The following MED12L variants were observed in gnomAD, a reference collection of about 807,000 sequenced individuals.
MED12L encodes mediator of RNA polymerase II transcription subunit 12-like protein.
In MED12L, 60 loss-of-function variants were observed where a neutral mutation model predicts 281.3. That is an observed-to-expected ratio of 0.21 (90% CI 0.17 to 0.26). The LOEUF (loss-of-function observed/expected upper bound fraction) is 0.26. Among genes scored for constraint, MED12L ranks in the 10% least tolerant of loss-of-function variants. MED12L has a pLI of 1.00. For missense variants in MED12L, 2,146 were observed against 2,680.9 expected (o/e 0.80, Z 4.41); for synonymous variants, 974 against 987.2 (o/e 0.99, Z 0.25).
chr3:151,406,631 A>G (rs1716341651), intron 39 of MED12L, among the ~76,000 whole-genome samples: 1 of 152,210 alleles, frequency 6.6e-6, no homozygotes, highest in Non-Finnish European at 1.5e-5. Flanking sequence ...CTTTAGACAT[A>G]AAGGTGGAAA....
Position 151,104,586 on chromosome 3 carries a change from G to T in MED12L, c.100-11752G>T, listed in dbSNP as rs189346992. On this transcript the variant is annotated intron_variant, in intron 2 of 44. Coordinates refer to ENST00000687756, the MANE Select transcript of MED12L (RefSeq NM_001393769.1). ...CTAAATGGCCTGGATCCTGGTTTTA[G>T]GGGGCAGTCTTGCCATGGGGAATAG... Among the ~76,000 whole-genome samples, 7 of 152,246 alleles carry T rather than the reference G, an allele frequency of 4.6e-5. No homozygotes were observed. The East Asian group carries it at 1.2e-3, about 25-fold the overall frequency.
intron 39 of MED12L, among the ~76,000 whole-genome samples, chr3:151,404,763 T>C (rs576122864): frequency 1.3e-5 from 2 of 152,284 alleles, no homozygotes; most frequent in South Asian, 4.1e-4. Flanking sequence ...TACTGAAAAA[T>C]TACTAAATAA....
intron 27 of MED12L, among the ~76,000 whole-genome samples, chr3:151,374,816 T>C (rs923105654): frequency 3.3e-5 from 5 of 152,184 alleles, no homozygotes; most frequent in Admixed American, 2.0e-4. Context: ...AGTGAAACTA[T>C]ACAAAAAAGT....
Position 151,350,051 on chromosome 3 carries a change from T to G in MED12L, c.2251-8T>G. 1 of 1,606,596 alleles carries G rather than the reference T, an allele frequency of 6.2e-7. No homozygotes were observed. Among genetic ancestry groups the G allele is most frequent in the Non-Finnish European group, 8.5e-7 (1 of 1,175,234 alleles). ...CAAGAGTTTCAGAATGCATTTTCTG[T>G]TTTTCAGGATGAATCTTCAAGTCAT... is the stretch of plus-strand genomic sequence containing the variant. On this transcript the variant is annotated splice_region_variant and splice_polypyrimidine_tract_variant and intron_variant, in intron 16 of 44. Coordinates refer to ENST00000687756, the MANE Select transcript of MED12L (RefSeq NM_001393769.1).
intron 16 of MED12L, chr3:151,300,173 A>G: frequency 1.0e-6 from 1 of 1,002,452 alleles, no homozygotes; most frequent in Non-Finnish European, 1.6e-6. Flanking sequence ...GCGTGGGTTC[A>G]GCATAGGTTA....
intron 16 of MED12L, chr3:151,295,176 C>G: frequency 6.2e-7 from 1 of 1,611,472 alleles, no homozygotes. Context: ...CTCCTGTTGC[C>G]TGAATTGTGA....
At chr3:151,105,803 A>C (rs558244864) in intron 2 of MED12L, among the ~76,000 whole-genome samples, 1 of 152,170 alleles carries the variant, frequency 6.6e-6, no homozygotes, top group Non-Finnish European at 1.5e-5. Context: ...CTGAGTGCCT[A>C]CTAGAAACAT....
At chr3:151,098,888 A>G (rs1268278890) in intron 2 of MED12L, among the ~76,000 whole-genome samples, 1 of 152,184 alleles carries the variant, frequency 6.6e-6, no homozygotes, top group Non-Finnish European at 1.5e-5. Context: ...AAAGAGGTTT[A>G]ATGCACTCGC....
chr3:151,215,602 C>G (rs1728055137), intron 16 of MED12L, among the ~76,000 whole-genome samples: 1 of 152,188 alleles, frequency 6.6e-6, no homozygotes, highest in African/African-American at 2.4e-5. Context: ...ATATTCTTCA[C>G]TGATGTCGGA....
At chr3:151,308,648 T>C (rs1747030034) in intron 16 of MED12L, among the ~76,000 whole-genome samples, 1 of 152,198 alleles carries the variant, frequency 6.6e-6, no homozygotes, top group South Asian at 2.1e-4. Flanking sequence ...CTGTTCCTTG[T>C]TTTGGAATAG....
chr3:151,137,678 T>C (rs943990826), intron 5 of MED12L, among the ~76,000 whole-genome samples: 16 of 152,248 alleles, frequency 1.1e-4, no homozygotes, highest in Non-Finnish European at 2.2e-4. Flanking sequence ...ATTTTATGTT[T>C]ATTTCATTTC....
chr3:151,384,149 A>C lies in MED12L; in HGVS notation c.4857A>C (p.Leu1619=), dbSNP rs757769299. 3 of 1,613,934 alleles carry C rather than the reference A, an allele frequency of 1.9e-6. No homozygotes were observed. The highest frequency in any genetic ancestry group is 2.2e-5 in the South Asian group (2 of 91,076). ...VLINGTLASD[L]SNASPGGSEE... ...TCAATGGAACGTTAGCCTCTGACCT[A>C]TCAAATGCATCCCCTGGGGGATCTG... is the stretch of plus-strand genomic sequence containing the variant. The change falls in exon 35 of 45, where the codon CTA becomes CTC. Residue 1619 remains leucine (L), a synonymous_variant. Transcript: ENST00000687756.
chr3:151,129,205 T>A (rs1714979140), intron 5 of MED12L, among the ~76,000 whole-genome samples: 1 of 151,918 alleles, frequency 6.6e-6, no homozygotes, highest in African/African-American at 2.4e-5. Context: ...GATAAATGAG[T>A]TGGGGTATAA....
chr3:151,433,985 A>T lies in MED12L; in HGVS notation c.*1181A>T, dbSNP rs1719811194. On this transcript the variant is annotated 3_prime_UTR_variant, in exon 45 of 45. Coordinates refer to ENST00000687756, the MANE Select transcript of MED12L (RefSeq NM_001393769.1). ...GGTAATTTGCTCCTATTAGAGTAAAAAAGAAACCAGTAAATTATCAGTTTG... is the reference window on the plus strand; with the variant it reads ...GGTAATTTGCTCCTATTAGAGTAAATAAGAAACCAGTAAATTATCAGTTTG... 1.3e-5 allele frequency: 2 copies of T among 152,640 alleles called. No individual in the cohort carries two copies. Among genetic ancestry groups the T allele is most frequent in the Non-Finnish European group, 2.9e-5 (2 of 68,024 alleles). The allele number at this position is 152,640 out of a possible 1,614,324, so 9.5% of individuals were successfully genotyped here.
intron 16 of MED12L, among the ~76,000 whole-genome samples, chr3:151,224,339 C>G (rs1377212362): frequency 6.6e-6 from 1 of 151,902 alleles, no homozygotes; most frequent in Non-Finnish European, 1.5e-5. Context: ...CTAGCTGATT[C>G]TGTATCAATA....
chr3:151,253,437 C>T (rs879834753), intron 16 of MED12L, among the ~76,000 whole-genome samples: 10 of 152,148 alleles, frequency 6.6e-5, no homozygotes, highest in Non-Finnish European at 1.5e-4. Flanking sequence ...TTCTGTTCTC[C>T]CTCCTCTGGC....
chr3:151,368,250 G>C lies in MED12L; in HGVS notation c.3549G>C (p.Thr1183=). The part of the protein sequence containing the change: ...APQACFLPQA[T]GKPFPGIRSS... ...AGGCCTGCTTCTTACCTCAAGCAAC[G>C]GGTGAGCTGACTGCAGAAAAATCTG... The change falls in exon 25 of 45, where the codon ACG becomes ACC. Residue 1183 remains threonine, a splice_region_variant and synonymous_variant. Coordinates refer to ENST00000687756, the MANE Select transcript of MED12L (RefSeq NM_001393769.1). 6.2e-7 allele frequency: 1 copy of C among 1,613,046 alleles called. No homozygotes were observed.
At chr3:151,388,944 C>T (rs12493628) in intron 37 of MED12L, among the ~76,000 whole-genome samples, 45,373 of 152,150 alleles carry the variant, frequency 0.3, 7,587 homozygotes, top group Non-Finnish European at 0.38. Flanking sequence ...ATTCTTGCTG[C>T]ACAGTGGAAG....
chr3:151,271,158 A>G (rs1213228944), intron 16 of MED12L, among the ~76,000 whole-genome samples: 2 of 152,194 alleles, frequency 1.3e-5, no homozygotes, highest in African/African-American at 2.4e-5. Flanking sequence ...AATAATTTTC[A>G]TTACTCTATA....
Sources: gnomAD v4.1 joint callset for allele counts (sites outside exome capture counted in the v4.1 genomes callset) on GRCh38, gnomAD v4.1.1 for gene constraint, MANE v1.5 for transcripts, NCBI Gene and HGNC (gene_info 2026-07-23, HGNC 2026-07-21) for gene names.